ZFPM2: variants seen among roughly 807,000 people sequenced by gnomAD.
The protein encoded by ZFPM2 is zinc finger protein, FOG family member 2.
Under a neutral mutation model 98.6 loss-of-function variants are expected in ZFPM2, and 20 were observed. The observed-to-expected ratio is 0.20, with a 90% CI of 0.14 to 0.29. The LOEUF (loss-of-function observed/expected upper bound fraction) is 0.29, where lower values mean the gene tolerates loss of function less well. Ranked by LOEUF, ZFPM2 falls within the 10% of genes least tolerant of loss-of-function variation. The pLI is 1.00. For synonymous variants in ZFPM2, 518 were observed against 502.7 expected (o/e 1.03, Z -0.41); for missense variants, 1,310 against 1,388.6 (o/e 0.94, Z 0.90).
At chr8:105,414,584 C>G (rs1409814269) in intron 1 of ZFPM2, among the ~76,000 whole-genome samples, 1 of 149,706 alleles carries the variant, frequency 6.7e-6, no homozygotes, top group Admixed American at 6.7e-5. Flanking sequence ...CTCAGAATGC[C>G]TATATGTTTT....
chr8:105,408,971 C>T (rs963948968), intron 1 of ZFPM2, among the ~76,000 whole-genome samples: 1 of 151,894 alleles, frequency 6.6e-6, no homozygotes, highest in African/African-American at 2.4e-5. Context: ...ATCCCACAGA[C>T]TACACTTGGT....
At chr8:105,689,642 G>A (rs1203278400) in intron 5 of ZFPM2, among the ~76,000 whole-genome samples, 3 of 152,194 alleles carry the variant, frequency 2.0e-5, no homozygotes, top group South Asian at 2.1e-4. Context: ...AGTTGGTGGT[G>A]TTCATGTTGG....
intron 4 of ZFPM2, among the ~76,000 whole-genome samples, chr8:105,603,487 C>A (rs1816135980): frequency 6.6e-6 from 1 of 152,074 alleles, no homozygotes; most frequent in Admixed American, 6.6e-5. Flanking sequence ...CCCCAAAAAT[C>A]TGACTGTTAA....
rs1342252015 is a variant in ZFPM2, at chr8:105,318,850, C to CGGG, written c.-90_-89insGGG. 5 of 712,722 alleles carry CGGG rather than the reference C, an allele frequency of 7.0e-6. No individual in the cohort carries two copies. The African/African-American group carries it at 2.4e-4, about 34-fold the overall frequency. 44.1% of individuals were successfully genotyped at this position (712,722 alleles called of 1,614,324 possible). A position where few individuals can be genotyped will look rare whatever the true frequency, so the allele number is the denominator to read the frequency against. On this transcript the variant is annotated 5_prime_UTR_variant, in exon 1 of 8. Transcript: ENST00000407775. ...GCGGCGGGCCGAGCCTGGCCAGCGG[C>CGGG]GGCGGCGGCGGCGGCGGCGGCGGGA... is the stretch of plus-strand genomic sequence containing the variant.
At chr8:105,560,531 AT>A (rs201780565) in intron 3 of ZFPM2, among the ~76,000 whole-genome samples, 2,247 of 147,848 alleles carry the variant, frequency 0.015, 26 homozygotes, top group East Asian at 0.064. Flanking sequence ...CCTGATTGTG[AT>A]TTTTTTTCTA....
At chr8:105,686,851 T>C (rs1810749255) in intron 5 of ZFPM2, among the ~76,000 whole-genome samples, 1 of 152,168 alleles carries the variant, frequency 6.6e-6, no homozygotes. Context: ...TATTATTTCT[T>C]TTTGATTTCA....
At chr8:105,553,517 A>C (rs1432431918) in intron 3 of ZFPM2, among the ~76,000 whole-genome samples, 1 of 152,176 alleles carries the variant, frequency 6.6e-6, no homozygotes, top group Non-Finnish European at 1.5e-5. Context: ...AATTCATCGC[A>C]TGAAAAGGGA....
At chr8:105,763,258 A>G (rs1443450735) in intron 5 of ZFPM2, among the ~76,000 whole-genome samples, 1 of 151,858 alleles carries the variant, frequency 6.6e-6, no homozygotes, top group Non-Finnish European at 1.5e-5. Flanking sequence ...TAGCAAGTGC[A>G]TATTTATTCC....
At chr8:105,792,547 A>G (rs1813649572) in intron 6 of ZFPM2, among the ~76,000 whole-genome samples, 2 of 152,274 alleles carry the variant, frequency 1.3e-5, no homozygotes, top group South Asian at 4.2e-4. Flanking sequence ...GGTGCTGAAA[A>G]AAATGTATAT....
chr8:105,716,091 C>T (rs1260484851), intron 5 of ZFPM2, among the ~76,000 whole-genome samples: 13 of 151,448 alleles, frequency 8.6e-5, no homozygotes, highest in Non-Finnish European at 1.9e-4. Flanking sequence ...CTTTATTTGA[C>T]TTCCTAAAGT....
At chr8:105,353,635 G>A (rs1812689490) in intron 1 of ZFPM2, among the ~76,000 whole-genome samples, 1 of 152,114 alleles carries the variant, frequency 6.6e-6, no homozygotes, top group Admixed American at 6.5e-5. Context: ...TAGCTAATTA[G>A]CAATAGTTAG....
intron 5 of ZFPM2, among the ~76,000 whole-genome samples, chr8:105,644,298 A>T (rs200143691): frequency 0.018 from 1,904 of 105,802 alleles, 21 homozygotes; most frequent in East Asian, 0.061. Flanking sequence ...TTTTTTTTTT[A>T]AAAAAAAAAC....
chr8:105,719,003 T>G (rs1407175589), intron 5 of ZFPM2, among the ~76,000 whole-genome samples: 2 of 152,022 alleles, frequency 1.3e-5, no homozygotes, highest in Non-Finnish European at 2.9e-5. Context: ...AATATGACTC[T>G]TTTCTACTGC....
intron 1 of ZFPM2, among the ~76,000 whole-genome samples, chr8:105,397,478 A>C (rs1306212682): frequency 6.6e-6 from 1 of 152,130 alleles, no homozygotes; most frequent in Non-Finnish European, 1.5e-5. Context: ...GTATTTGTTC[A>C]TGATCACTAT....
intron 6 of ZFPM2, among the ~76,000 whole-genome samples, chr8:105,795,229 T>C (rs1813757443): frequency 6.7e-6 from 1 of 149,336 alleles, no homozygotes; most frequent in Non-Finnish European, 1.5e-5. Context: ...TCTTGGCTCC[T>C]CCCCCTCATT....
At chr8:105,762,793 C>T (rs550082756) in intron 5 of ZFPM2, among the ~76,000 whole-genome samples, 42 of 151,956 alleles carry the variant, frequency 2.8e-4, no homozygotes, top group African/African-American at 9.4e-4. Context: ...CAAATCCAGA[C>T]TCAATGGCAC....
chr8:105,389,425 C>T (rs576981197), intron 1 of ZFPM2, among the ~76,000 whole-genome samples: 1 of 152,186 alleles, frequency 6.6e-6, no homozygotes, highest in South Asian at 2.1e-4. Flanking sequence ...AAAGCCGAGA[C>T]CTTTAGTAAA....
chr8:105,712,378 T>C (rs1229661914), intron 5 of ZFPM2, among the ~76,000 whole-genome samples: 3 of 152,038 alleles, frequency 2.0e-5, no homozygotes, highest in African/African-American at 4.8e-5. Flanking sequence ...AACAAGTAAT[T>C]AGACTCTATC....
intron 4 of ZFPM2, among the ~76,000 whole-genome samples, chr8:105,574,046 T>C (rs1815411193): frequency 6.6e-6 from 1 of 152,248 alleles, no homozygotes; most frequent in Non-Finnish European, 1.5e-5. Flanking sequence ...TTATTATGCC[T>C]GTGAATAGAA....
Sources: gnomAD v4.1 joint callset for allele counts (sites outside exome capture counted in the v4.1 genomes callset) on GRCh38, gnomAD v4.1.1 for gene constraint, MANE v1.5 for transcripts, NCBI Gene and HGNC (gene_info 2026-07-23, HGNC 2026-07-21) for gene names.